APBA2: variants seen among roughly 807,000 people sequenced by gnomAD.
APBA2 encodes the protein amyloid-beta A4 precursor protein-binding family A member 2.
APBA2 carries 30 observed loss-of-function variants against 75.0 expected under a neutral mutation model. That is an observed-to-expected ratio of 0.40 (90% CI 0.30 to 0.54). The LOEUF is 0.54. APBA2 is among the 20% of genes least tolerant of loss of function. The probability of loss-of-function intolerance (pLI) is 0.49; values close to 1 mark genes in which losing one functional copy is unlikely to be tolerated. For missense variants in APBA2, 801 were observed against 1,016.1 expected (o/e 0.79, Z 2.88); for synonymous variants, 444 against 409.6 (o/e 1.08, Z -1.01).
intron 4 of APBA2, among the ~76,000 whole-genome samples, chr15:29,064,103 G>A (rs2042271065): frequency 6.6e-6 from 1 of 152,176 alleles, no homozygotes; most frequent in Admixed American, 6.5e-5. Context: ...CCCAAGGGCT[G>A]CCCTGATTTT....
chr15:29,114,778 G>A (rs2152985350), intron 14 of APBA2, among the ~76,000 whole-genome samples: 1 of 107,000 alleles, frequency 9.3e-6, no homozygotes, highest in East Asian at 2.6e-4. Context: ...ACCTGAGTGT[G>A]CGTGTGGAGG....
intron 4 of APBA2, among the ~76,000 whole-genome samples, chr15:29,059,658 T>A (rs548423322): frequency 1.1e-4 from 17 of 152,170 alleles, no homozygotes; most frequent in Non-Finnish European, 2.4e-4. Flanking sequence ...AAAACAAGGT[T>A]CTGTGTTGAT....
At chr15:29,035,109 A>C (rs2040678295) in intron 3 of APBA2, among the ~76,000 whole-genome samples, 1 of 152,042 alleles carries the variant, frequency 6.6e-6, no homozygotes, top group Admixed American at 6.5e-5. Flanking sequence ...CTTTAATGGC[A>C]ATTGATGGGC....
intron 1 of APBA2, among the ~76,000 whole-genome samples, chr15:28,894,292 G>A (rs1459877280): frequency 6.6e-6 from 1 of 152,196 alleles, no homozygotes; most frequent in Admixed American, 6.5e-5. Context: ...TTTCTGAGCA[G>A]CTACTGTATT....
chr15:28,949,580 C>T (rs2035740505), intron 2 of APBA2, among the ~76,000 whole-genome samples: 2 of 152,158 alleles, frequency 1.3e-5, no homozygotes, highest in Non-Finnish European at 2.9e-5. Flanking sequence ...GCGATCCTCC[C>T]ACCTCAGCCT....
intron 2 of APBA2, among the ~76,000 whole-genome samples, chr15:28,947,078 C>T (rs942923954): frequency 1.3e-5 from 2 of 152,230 alleles, no homozygotes; most frequent in Non-Finnish European, 2.9e-5. Flanking sequence ...CCTATGTCAT[C>T]GTCCCTCTTT....
chr15:28,998,037 A>G (rs1252180089), intron 3 of APBA2, among the ~76,000 whole-genome samples: 7 of 152,216 alleles, frequency 4.6e-5, no homozygotes. Flanking sequence ...TGTAAAGAGA[A>G]GAAAGGGCCG....
chr15:28,954,112 T>C (rs2036037590), intron 2 of APBA2, among the ~76,000 whole-genome samples: 1 of 152,056 alleles, frequency 6.6e-6, no homozygotes, highest in African/African-American at 2.4e-5. Flanking sequence ...CTCCTGTCTC[T>C]CTTAAACCCC....
At chr15:29,102,696 T>C (rs1170414269) in intron 10 of APBA2, 1 of 151,730 alleles carries the variant, frequency 6.6e-6, no homozygotes. Context: ...GAGGCGGAGA[T>C]TGCAGTGAGC....
chr15:28,907,901 A>C (rs981591435), intron 1 of APBA2, among the ~76,000 whole-genome samples: 4 of 152,234 alleles, frequency 2.6e-5, no homozygotes, highest in African/African-American at 9.6e-5. Context: ...CCCAAGTTTC[A>C]GAAAGAAACT....
At chr15:28,907,648 T>C (rs1338893503) in intron 1 of APBA2, among the ~76,000 whole-genome samples, 1 of 152,196 alleles carries the variant, frequency 6.6e-6, no homozygotes, top group Non-Finnish European at 1.5e-5. Context: ...ATGCTCAGGA[T>C]TGATCAACCT....
intron 2 of APBA2, among the ~76,000 whole-genome samples, chr15:28,942,650 TC>T (rs1271273795): frequency 3.3e-5 from 5 of 152,152 alleles, no homozygotes; most frequent in Non-Finnish European, 7.4e-5. Context: ...TCCCCCACTT[TC>T]CATTTCCTCT....
At position 29,054,242 on chromosome 15, in the gene APBA2, G is replaced by T; in HGVS notation, c.358G>T (p.Glu120Ter). ...YLEGMDCNGE[E>*]YLAHSAHPVD... ...AGAGGGCATGGACTGCAACGGGGAGGAGTACCTGGCCCACAGTGCACACCC... is the reference window on the plus strand; with the variant it reads ...AGAGGGCATGGACTGCAACGGGGAGTAGTACCTGGCCCACAGTGCACACCC... Residue 120 changes from glutamate to a stop codon, truncating the protein, a stop_gained, in exon 4 of 15, where the codon GAG becomes TAG. Transcript: ENST00000683413. LOFTEE classifies it high-confidence loss of function. The surrounding 1 kb of genome is among the most constrained non-coding windows in gnomAD (Gnocchi z 6.1). 6.2e-7 allele frequency: 1 copy of T among 1,614,144 alleles called. No individual in the cohort carries two copies. Among genetic ancestry groups the T allele is most frequent in the Non-Finnish European group, 8.5e-7 (1 of 1,180,030 alleles).
At chr15:28,944,869 C>T (rs1441232488) in intron 2 of APBA2, among the ~76,000 whole-genome samples, 3 of 152,212 alleles carry the variant, frequency 2.0e-5, no homozygotes, top group East Asian at 1.9e-4. Context: ...GCTTGCCCCA[C>T]GTGGGTTCTG....
At chr15:29,050,139 G>A (rs1010364802) in intron 3 of APBA2, among the ~76,000 whole-genome samples, 2 of 152,164 alleles carry the variant, frequency 1.3e-5, no homozygotes, top group African/African-American at 4.8e-5. Context: ...CCAGACGGAA[G>A]GAATAGATTT....
chr15:28,984,436 C>A (rs1348863244), intron 2 of APBA2, among the ~76,000 whole-genome samples: 1 of 152,078 alleles, frequency 6.6e-6, no homozygotes, highest in Non-Finnish European at 1.5e-5. Flanking sequence ...CTAGGCTTAG[C>A]CACTGGGTGG....
At chr15:28,969,234 C>G (rs1170591321) in intron 2 of APBA2, among the ~76,000 whole-genome samples, 2 of 149,904 alleles carry the variant, frequency 1.3e-5, no homozygotes, top group African/African-American at 4.9e-5. Context: ...CAGGCTGGAT[C>G]CAGTGGCACA....
chr15:29,085,666 G>A (rs1399361295), intron 6 of APBA2, among the ~76,000 whole-genome samples: 1 of 152,088 alleles, frequency 6.6e-6, no homozygotes, highest in Admixed American at 6.5e-5. Flanking sequence ...GTTTTCTATG[G>A]CCAATAAGAG....
At chr15:29,018,558 TGTGCA>T (rs2039794455) in intron 3 of APBA2, among the ~76,000 whole-genome samples, 1 of 152,146 alleles carries the variant, frequency 6.6e-6, no homozygotes, top group African/African-American at 2.4e-5. Flanking sequence ...GAAGGGCAGC[TGTGCA>T]GAGCAGGATC....
Sources: gnomAD v4.1 joint callset for allele counts (sites outside exome capture counted in the v4.1 genomes callset) on GRCh38, gnomAD v4.1.1 for gene constraint, Gnocchi (gnomAD v3.1) non-coding constraint, MANE v1.5 for transcripts, NCBI Gene and HGNC (gene_info 2026-07-23, HGNC 2026-07-21) for gene names.